The following CRPPA variants were observed in gnomAD, a reference collection of about 807,000 sequenced individuals.
CRPPA encodes D-ribitol-5-phosphate cytidylyltransferase.
In CRPPA, 43 loss-of-function variants were observed where a neutral mutation model predicts 52.0. That is an observed-to-expected ratio of 0.83 (90% CI 0.65 to 1.07). The LOEUF (loss-of-function observed/expected upper bound fraction) is 1.07, where lower values mean the gene tolerates loss of function less well. CRPPA is among the 50% of genes least tolerant of loss of function. The probability of loss-of-function intolerance (pLI) is 0.00; values close to 1 mark genes in which losing one functional copy is unlikely to be tolerated. For missense variants in CRPPA, 629 were observed against 551.7 expected (o/e 1.14, Z -1.40); for synonymous variants, 250 against 203.5 (o/e 1.23, Z -1.94).
At chr7:16,109,270 A>C (rs1782213843) in intron 9 of CRPPA, among the ~76,000 whole-genome samples, 1 of 151,948 alleles carries the variant, frequency 6.6e-6, no homozygotes, top group East Asian at 1.9e-4. Flanking sequence ...GTAAGAGACT[A>C]CCTCAAACAA....
chr7:16,329,905 A>C (rs571863052), intron 3 of CRPPA, among the ~76,000 whole-genome samples: 2 of 152,378 alleles, frequency 1.3e-5, no homozygotes, highest in African/African-American at 2.4e-5. Context: ...GTGATTTTCA[A>C]ATCCAATTAG....
chr7:16,405,978 A>T, intron 2 of CRPPA, 83 bp downstream of exon 2: 2 of 1,264,392 alleles, frequency 1.6e-6, no homozygotes, highest in Non-Finnish European at 1.1e-6. Context: ...TTTGACATTT[A>T]AACAGAATTG....
chr7:16,105,952 T>A (rs1782142216), intron 9 of CRPPA, among the ~76,000 whole-genome samples: 1 of 152,052 alleles, frequency 6.6e-6, no homozygotes, highest in Non-Finnish European at 1.5e-5. Flanking sequence ...ACTACACCAG[T>A]TTGACCCAGA....
At chr7:16,259,790 A>C (rs955238466) in intron 6 of CRPPA, among the ~76,000 whole-genome samples, 2 of 151,986 alleles carry the variant, frequency 1.3e-5, no homozygotes, top group African/African-American at 4.8e-5. Context: ...AATGCTTTAC[A>C]TTTCATAGTT....
intron 9 of CRPPA, among the ~76,000 whole-genome samples, chr7:16,211,687 G>C (rs181558564): frequency 6.6e-6 from 1 of 152,136 alleles, no homozygotes; most frequent in African/African-American, 2.4e-5. Flanking sequence ...GAGTAAATGC[G>C]GACCTTTGAG....
intron 9 of CRPPA, among the ~76,000 whole-genome samples, chr7:16,133,086 T>G (rs1117317): frequency 0.99 from 120,407 of 121,194 alleles, 59,940 homozygotes; most frequent in East Asian, 1. Context: ...GAGCTTGGGA[T>G]GTCAAAGCAC....
chr7:16,336,886 AAAG>A (rs1352774863), intron 3 of CRPPA, among the ~76,000 whole-genome samples: 2 of 152,134 alleles, frequency 1.3e-5, no homozygotes, highest in East Asian at 3.9e-4. Context: ...ACAAAGAGAC[AAAG>A]AAGGTCATTC....
chr7:16,156,434 C>A (rs1313600005), intron 9 of CRPPA, among the ~76,000 whole-genome samples: 1 of 152,124 alleles, frequency 6.6e-6, no homozygotes, highest in Non-Finnish European at 1.5e-5. Context: ...TAAATAGGCT[C>A]CTAGTCTTAA....
chr7:16,312,431 G>A (rs1241795832), intron 3 of CRPPA, among the ~76,000 whole-genome samples: 1 of 151,922 alleles, frequency 6.6e-6, no homozygotes, highest in African/African-American at 2.4e-5. Flanking sequence ...TGGTACAAAC[G>A]AAAGCAATGG....
At chr7:16,173,788 T>C (rs1468670455) in intron 9 of CRPPA, among the ~76,000 whole-genome samples, 1 of 152,148 alleles carries the variant, frequency 6.6e-6, no homozygotes, top group African/African-American at 2.4e-5. Flanking sequence ...GATTGAGATA[T>C]ACCACGCCAC....
At chr7:16,101,677 TAGAC>T (rs1264079743) in intron 9 of CRPPA, among the ~76,000 whole-genome samples, 7 of 152,028 alleles carry the variant, frequency 4.6e-5, no homozygotes, top group East Asian at 3.9e-4. Context: ...ACACCAATAA[TAGAC>T]AGAGAGCCAA....
At chr7:16,381,383 C>T (rs1400847875) in intron 2 of CRPPA, among the ~76,000 whole-genome samples, 1 of 151,866 alleles carries the variant, frequency 6.6e-6, no homozygotes, top group Admixed American at 6.6e-5. Flanking sequence ...TGTTCTTTTA[C>T]ATTTGCTGAG....
intron 3 of CRPPA, among the ~76,000 whole-genome samples, chr7:16,361,411 T>C (rs1024165047): frequency 2.6e-5 from 4 of 152,212 alleles, no homozygotes; most frequent in African/African-American, 7.2e-5. Flanking sequence ...TATACACCCA[T>C]GTGCATTAGC....
intron 8 of CRPPA, among the ~76,000 whole-genome samples, chr7:16,226,702 A>G (rs1318942497): frequency 6.6e-6 from 1 of 151,956 alleles, no homozygotes; most frequent in African/African-American, 2.4e-5. Context: ...ACATAGGCAG[A>G]TAAGATTGAT....
At chr7:16,246,197 A>T (rs1783268167) in intron 8 of CRPPA, among the ~76,000 whole-genome samples, 1 of 152,188 alleles carries the variant, frequency 6.6e-6, no homozygotes, top group African/African-American at 2.4e-5. Flanking sequence ...TTGTCATTCC[A>T]ACAACGTTCA....
intron 3 of CRPPA, among the ~76,000 whole-genome samples, chr7:16,355,571 T>C (rs1562650676): frequency 1.3e-5 from 2 of 152,172 alleles, no homozygotes; most frequent in African/African-American, 4.8e-5. Context: ...TTTCTCAAAG[T>C]CAGAGTTAGA....
chr7:16,248,984 G>A (rs1272451887), intron 8 of CRPPA, among the ~76,000 whole-genome samples: 1 of 152,086 alleles, frequency 6.6e-6, no homozygotes, highest in Non-Finnish European at 1.5e-5. Flanking sequence ...TGAAATTCTC[G>A]CTGCTAGTAC....
intron 2 of CRPPA, among the ~76,000 whole-genome samples, chr7:16,378,237 T>C (rs1432672263): frequency 6.7e-6 from 1 of 150,042 alleles, no homozygotes; most frequent in Non-Finnish European, 1.5e-5. Flanking sequence ...ATTAGGTATA[T>C]CTCCTAATGC....
chr7:16,268,514 C>G (rs944252283), intron 6 of CRPPA, among the ~76,000 whole-genome samples: 12 of 152,122 alleles, frequency 7.9e-5, no homozygotes, highest in African/African-American at 2.9e-4. Flanking sequence ...AAATTTCCCT[C>G]TCATACAACT....
Sources: gnomAD v4.1 joint callset for allele counts (sites outside exome capture counted in the v4.1 genomes callset) on GRCh38, gnomAD v4.1.1 for gene constraint, MANE v1.5 for transcripts, NCBI Gene and HGNC (gene_info 2026-07-23, HGNC 2026-07-21) for gene names.